DDX60: variants seen among roughly 807,000 people sequenced by gnomAD.
DDX60 encodes the protein probable ATP-dependent RNA helicase DDX60.
A neutral mutation model predicts 212.8 loss-of-function variants in DDX60; 165 were observed. That is an observed-to-expected ratio of 0.78 (90% CI 0.68 to 0.88). The LOEUF is 0.88. Ranked by LOEUF, DDX60 falls within the 40% of genes least tolerant of loss-of-function variation. The pLI is 0.00. For synonymous variants in DDX60, 703 were observed against 685.3 expected, an observed-to-expected ratio of 1.03 and a Z score of -0.40; for missense variants, 1,905 against 2,003.9, an observed-to-expected ratio of 0.95 and a Z score of 0.94.
At chr4:168,237,231 C>G (rs1560818149) in intron 32 of DDX60, 55 bp downstream of exon 32, 1 of 1,223,042 alleles carries the variant, frequency 8.2e-7, no homozygotes, top group East Asian at 3.0e-5. Context: ...TTCTACAAAT[C>G]TGTTGCTATT....
upstream of DDX60, among the ~76,000 whole-genome samples, chr4:168,321,563 T>C (rs1012487268): frequency 5.9e-5 from 9 of 152,176 alleles, no homozygotes; most frequent in Non-Finnish European, 8.8e-5. Context: ...ATTCAGCACT[T>C]TACCATTCTC....
chr4:168,263,975 T>C (rs554400740), intron 22 of DDX60, among the ~76,000 whole-genome samples: 17 of 152,286 alleles, frequency 1.1e-4, no homozygotes, highest in African/African-American at 3.8e-4. Flanking sequence ...GCATGCAAAT[T>C]TATCCAAAAT....
At chr4:168,308,635 T>C (rs917188155) in intron 3 of DDX60, among the ~76,000 whole-genome samples, 3 of 149,748 alleles carry the variant, frequency 2.0e-5, no homozygotes, top group Non-Finnish European at 4.4e-5. Context: ...TATACATATA[T>C]ATAATAGTGT....
chr4:168,311,548 A>C (rs545963877), intron 1 of DDX60, among the ~76,000 whole-genome samples, 183 bp from the exon 2 acceptor site: 10 of 152,312 alleles, frequency 6.6e-5, no homozygotes, highest in African/African-American at 2.2e-4. Flanking sequence ...GGAACATTGC[A>C]AAAACGACAA....
intron 7 of DDX60, 87 bp from the exon 8 acceptor site, chr4:168,291,993 T>G: frequency 5.1e-6 from 4 of 780,488 alleles, no homozygotes; most frequent in Non-Finnish European, 7.6e-6. Flanking sequence ...AGCTGACAGC[T>G]ACCTTTGCTG....
Position 168,225,652 on chromosome 4 carries a change from C to A in DDX60, c.4558G>T (p.Asp1520Tyr). The A allele has an allele frequency of 1.2e-6, 2 of 1,611,180 alleles. No homozygotes were observed. The highest frequency in any genetic ancestry group is 1.7e-6 in the Non-Finnish European group (2 of 1,178,724). Residue 1520 changes from aspartate (D) to tyrosine (Y), a missense_variant, in exon 34 of 38, where the codon GAT becomes TAT. Asp to Tyr is a radical substitution (Grantham distance 160). Coordinates refer to ENST00000393743, the MANE Select transcript of DDX60 (RefSeq NM_017631.6). ...TATTCATCTAAAGCATCACTAAAAT[C>A]CTCAGGGAGATCATCAAGGAACACC... Reference protein sequence around the residue: ...SKVFLDDLPEDFSDALDEYNM... With the variant: ...SKVFLDDLPEYFSDALDEYNM...
In DDX60 at chr4:168,282,715, C is replaced by T. The variant is rs558087398; in HGVS notation, c.1722+731G>A. The stretch of plus-strand genomic sequence containing the variant: ...TTTTCCATTTGTTTAAGATGGAAAC[C>T]ATTTATGACCTGCCTCTAAAGTCAG... On this transcript the variant is annotated intron_variant, in intron 13 of 37. Transcript: ENST00000393743. Among the ~76,000 whole-genome samples, 15 of 152,080 alleles carry T rather than the reference C, an allele frequency of 9.9e-5. No individual in the cohort carries two copies. In the East Asian group the frequency reaches 2.1e-3, roughly 22 times the overall value.
At chr4:168,238,415 GAGGGGAGGGAAGGGA>G (rs1324596564) in intron 30 of DDX60, among the ~76,000 whole-genome samples, 49 of 102,438 alleles carry the variant, frequency 4.8e-4, no homozygotes, top group African/African-American at 1.9e-3. Context: ...GAGGGGAGGA[GAGGGGAGGGAAGGGA>G]AGGGAAGGGA....
intron 1 of DDX60, among the ~76,000 whole-genome samples, chr4:168,314,209 T>C (rs1004605544): frequency 1.4e-4 from 22 of 152,168 alleles, no homozygotes; most frequent in African/African-American, 5.1e-4. Flanking sequence ...CCCCAACACA[T>C]GCACGCCCTA....
chr4:168,221,644 G>C (rs779984210), intron 36 of DDX60, 86 bp downstream of exon 36: 42 of 1,409,286 alleles, frequency 3.0e-5, no homozygotes, highest in Non-Finnish European at 3.9e-5. Context: ...ACTGTAATGA[G>C]GTTTCTTCCT....
At chr4:168,272,254 C>A in intron 18 of DDX60, 116 bp from the exon 19 acceptor site, 1 of 741,912 alleles carries the variant, frequency 1.3e-6, no homozygotes, top group African/African-American at 1.7e-5. Flanking sequence ...TGATAATTGG[C>A]ATATAACATT....
rs571428757 is a variant in DDX60, at chr4:168,223,798, A to G, written c.4824+445T>C. On this transcript the variant is annotated intron_variant, in intron 35 of 37. Coordinates refer to ENST00000393743, the MANE Select transcript of DDX60 (RefSeq NM_017631.6). ...TTTCTCAAAGTTTGTATTAAGATATAAATTAAATTTCACCAAGTGTCAACA... is the reference window on the plus strand; with the variant it reads ...TTTCTCAAAGTTTGTATTAAGATATGAATTAAATTTCACCAAGTGTCAACA... 2.5e-4 allele frequency among the ~76,000 whole-genome samples: 38 copies of G among 152,218 alleles called. 1 individual carries two copies. Among genetic ancestry groups the G allele is most frequent in the African/African-American group, 8.4e-4 (35 of 41,584 alleles).
chr4:168,273,322 C>A lies in DDX60; in HGVS notation c.2531G>T (p.Gly844Val), dbSNP rs1735183385. ...ATGACGATACTCCCTGGTGAAAACA[C>A]CACAGAGAACTTCACCACTTGGCAG... is the stretch of plus-strand genomic sequence containing the variant. ...KNLPSGEVLCGVFTREYRHDA... is the reference protein window; with the variant it reads ...KNLPSGEVLCVVFTREYRHDA... Residue 844 changes from glycine (G) to valine (V), a missense_variant, in exon 18 of 38, where the codon GGT (glycine) becomes GTT (valine). Physicochemically the swap from Gly to Val is moderately radical, Grantham distance 109 (BLOSUM62 -3). Coordinates refer to ENST00000393743, the MANE Select transcript of DDX60 (RefSeq NM_017631.6). 6.2e-7 allele frequency: 1 copy of A among 1,613,850 alleles called. No homozygotes were observed. The highest frequency in any genetic ancestry group is 8.5e-7 in the Non-Finnish European group (1 of 1,179,910).
chr4:168,250,661 GA>G (rs1560827390), intron 28 of DDX60, among the ~76,000 whole-genome samples: 2 of 151,032 alleles, frequency 1.3e-5, no homozygotes, highest in African/African-American at 4.9e-5. Flanking sequence ...GAATAGCTGG[GA>G]TTACAGGCAC....
intron 13 of DDX60, among the ~76,000 whole-genome samples, chr4:168,282,356 C>T (rs185525470): frequency 3.3e-5 from 5 of 152,202 alleles, no homozygotes; most frequent in African/African-American, 7.2e-5. Context: ...ATCTGTCTCT[C>T]GGAGTTCTGA....
intron 14 of DDX60, among the ~76,000 whole-genome samples, chr4:168,278,698 G>T (rs901669760): frequency 6.6e-6 from 1 of 152,100 alleles, no homozygotes; most frequent in South Asian, 2.1e-4. Context: ...GCATGGTGGT[G>T]TGTGCATGCA....
At position 168,287,098 on chromosome 4, in the gene DDX60, A is replaced by G; in HGVS notation, c.1289T>C (p.Leu430Pro). 6.2e-7 allele frequency: 1 copy of G among 1,611,894 alleles called. No homozygotes were observed. Among genetic ancestry groups the G allele is most frequent in the South Asian group, 1.1e-5 (1 of 90,472 alleles). ...AAGAAAACAAACTTTTGTTGTTCTC[A>G]GAGGAAATGGCTGTCCAACCTCAAA... ...RDFEVGQPFP[L>P]RTTKVCFLEK... The change falls in exon 10 of 38, where the codon CTG becomes CCG. Residue 430 changes from leucine to proline, a missense_variant. Leu to Pro is a moderately conservative substitution (Grantham distance 98). Coordinates refer to ENST00000393743, the MANE Select transcript of DDX60 (RefSeq NM_017631.6).
At position 168,306,497 on chromosome 4, in the gene DDX60, A is replaced by G; in HGVS notation, c.488T>C (p.Ile163Thr). 6.2e-7 allele frequency: 1 copy of G among 1,614,190 alleles called. No individual in the cohort carries two copies. Among genetic ancestry groups the G allele is most frequent in the Non-Finnish European group, 8.5e-7 (1 of 1,180,024 alleles). The change falls in exon 5 of 38, where the codon ATT (isoleucine) becomes ACT (threonine). Residue 163 changes from isoleucine to threonine, a missense_variant. Physicochemically the swap from Ile to Thr is moderately conservative, Grantham distance 89 (BLOSUM62 -1). Coordinates refer to ENST00000393743, the MANE Select transcript of DDX60 (RefSeq NM_017631.6). ...LQTQLFNFLIIHSWARKVNVV... is the reference protein window; with the variant it reads ...LQTQLFNFLITHSWARKVNVV... ...GTTGACCTTCCTTGCCCAAGAATGA[A>G]TGATTAAAAAGTTGAAAAGCTGTGT...
intron 6 of DDX60, among the ~76,000 whole-genome samples, chr4:168,296,546 A>G (rs1193046555): frequency 1.3e-5 from 2 of 152,096 alleles, no homozygotes; most frequent in East Asian, 1.9e-4. Flanking sequence ...CAAACTAACA[A>G]AAACCCCACT....
Sources: gnomAD v4.1 joint callset for allele counts (sites outside exome capture counted in the v4.1 genomes callset) on GRCh38, gnomAD v4.1.1 for gene constraint, MANE v1.5 for transcripts, NCBI Gene and HGNC (gene_info 2026-07-23, HGNC 2026-07-21) for gene names.